The following SMG1 variants were observed in gnomAD, a reference collection of about 807,000 sequenced individuals.
The protein encoded by SMG1 is SMG1 nonsense mediated mRNA decay associated PI3K related kinase.
SMG1 carries 22 observed loss-of-function variants against 419.9 expected under a neutral mutation model. That is an observed-to-expected ratio of 0.05 (90% CI 0.04 to 0.07). SMG1 has a LOEUF of 0.07. Among genes scored for constraint, SMG1 ranks in the 10% least tolerant of loss-of-function variants. The pLI is 1.00. For missense variants in SMG1, 3,185 were observed against 4,342.0 expected, an observed-to-expected ratio of 0.73 and a Z score of 7.49; for synonymous variants, 1,538 against 1,553.5, an observed-to-expected ratio of 0.99 and a Z score of 0.23.
At chr16:18,864,897 C>T (rs1367943131) in intron 23 of SMG1, among the ~76,000 whole-genome samples, 1 of 152,094 alleles carries the variant, frequency 6.6e-6, no homozygotes, top group Non-Finnish European at 1.5e-5. Context: ...TGATGTCTTC[C>T]TCACAACTAT....
intron 6 of SMG1, among the ~76,000 whole-genome samples, chr16:18,888,989 AT>A (rs918479395): frequency 1.3e-5 from 2 of 150,676 alleles, no homozygotes; most frequent in Non-Finnish European, 3.0e-5. Flanking sequence ...CGCCTGGCTA[AT>A]TTTTTTTGTA....
At chr16:18,867,638 T>C (rs2035588451) in intron 22 of SMG1, among the ~76,000 whole-genome samples, 1 of 151,612 alleles carries the variant, frequency 6.6e-6, no homozygotes, top group African/African-American at 2.4e-5. Flanking sequence ...AATATAGTTT[T>C]AACGTGTTCT....
At chr16:18,818,946 A>G (rs1017051079) in intron 56 of SMG1, among the ~76,000 whole-genome samples, 1 of 151,860 alleles carries the variant, frequency 6.6e-6, no homozygotes, top group Non-Finnish European at 1.5e-5. Flanking sequence ...ACTCCTGAGC[A>G]GTTGGGACTA....
chr16:18,897,400 A>G (rs2037174626), intron 1 of SMG1, among the ~76,000 whole-genome samples: 1 of 152,210 alleles, frequency 6.6e-6, no homozygotes, highest in Non-Finnish European at 1.5e-5. Flanking sequence ...TAAAAATAAA[A>G]AACACTGGCA....
chr16:18,887,514 TCC>T (rs1305087665), intron 6 of SMG1, among the ~76,000 whole-genome samples: 1 of 100,718 alleles, frequency 9.9e-6, no homozygotes, highest in Non-Finnish European at 2.1e-5. Context: ...TATTTTTTTT[TCC>T]TTTTTTTTTT....
intron 18 of SMG1, among the ~76,000 whole-genome samples, chr16:18,870,242 T>A (rs2035743356): frequency 6.6e-6 from 1 of 152,166 alleles, no homozygotes; most frequent in South Asian, 2.1e-4. Context: ...AAAAACCCAA[T>A]CATTATGCTT....
At chr16:18,911,105 G>C (rs2037775381) in intron 1 of SMG1, among the ~76,000 whole-genome samples, 1 of 152,136 alleles carries the variant, frequency 6.6e-6, no homozygotes, top group South Asian at 2.1e-4. Context: ...AATTCTTAAG[G>C]TGTGAATACA....
chr16:18,864,854 A>G (rs1053953626), intron 23 of SMG1, among the ~76,000 whole-genome samples: 6 of 152,204 alleles, frequency 3.9e-5, no homozygotes, highest in African/African-American at 1.2e-4. Flanking sequence ...AAACTGAGCT[A>G]AAACAGTGAG....
chr16:18,857,321 T>G (rs571740595), intron 29 of SMG1: 12 of 152,356 alleles, frequency 7.9e-5, no homozygotes, highest in African/African-American at 2.9e-4. Context: ...CTTTGACATA[T>G]AAATATTTAT....
intron 39 of SMG1, among the ~76,000 whole-genome samples, chr16:18,842,780 A>G (rs1381378692): frequency 6.6e-6 from 1 of 152,172 alleles, no homozygotes; most frequent in Non-Finnish European, 1.5e-5. Context: ...CAGAGAGCCG[A>G]GATTACGCCA....
intron 1 of SMG1, among the ~76,000 whole-genome samples, chr16:18,903,912 C>T (rs1349787682): frequency 1.3e-5 from 2 of 148,832 alleles, no homozygotes; most frequent in African/African-American, 5.0e-5. Flanking sequence ...CTATTCCCCC[C>T]ATTTTCCAAG....
chr16:18,867,592 G>T (rs2035586312), intron 22 of SMG1, among the ~76,000 whole-genome samples: 1 of 149,716 alleles, frequency 6.7e-6, no homozygotes, highest in Admixed American at 6.7e-5. Flanking sequence ...CAAATTTTCA[G>T]AACTACCTTT....
intron 22 of SMG1, among the ~76,000 whole-genome samples, chr16:18,867,571 T>C (rs572914668): frequency 3.4e-5 from 5 of 146,104 alleles, no homozygotes; most frequent in Non-Finnish European, 7.5e-5. Flanking sequence ...ATAAATAATT[T>C]ATCCCATAAA....
At chr16:18,912,222 T>A (rs2037822276) in intron 1 of SMG1, among the ~76,000 whole-genome samples, 1 of 148,734 alleles carries the variant, frequency 6.7e-6, no homozygotes, top group Non-Finnish European at 1.5e-5. Context: ...AGGGAACAAA[T>A]TTCACATAGG....
At chr16:18,885,958 A>C (rs974931553) in intron 6 of SMG1, among the ~76,000 whole-genome samples, 1 of 152,080 alleles carries the variant, frequency 6.6e-6, no homozygotes, top group African/African-American at 2.4e-5. Context: ...AAAAAATAAT[A>C]ATTAATAAAT....
intron 60 of SMG1, among the ~76,000 whole-genome samples, chr16:18,813,166 G>A (rs1203678050): frequency 2.0e-5 from 3 of 151,864 alleles, no homozygotes; most frequent in African/African-American, 7.3e-5. Context: ...ATGATTTATA[G>A]TCCTTTGGGT....
chr16:18,882,064 CA>C (rs2036423697), intron 10 of SMG1, 100 bp downstream of exon 10: 1 of 789,858 alleles, frequency 1.3e-6, no homozygotes, highest in Non-Finnish European at 1.9e-6. Flanking sequence ...ACATGCTAAA[CA>C]AATGAAGGAT....
rs771416121 is a variant in SMG1 at position 18,829,750 on chromosome 16, T to G, written c.9139A>C (p.Ser3047Arg). Reference sequence around the variant, plus strand: ...ACAGTATTCTGATCTTCAAGTGAACTTGATCCTACAAAAAGGAAAAATTTC... The same window carrying G: ...ACAGTATTCTGATCTTCAAGTGAACGTGATCCTACAAAAAGGAAAAATTTC... ...GTFSKTLSGS[S>R]SLEDQNTVNG... Residue 3047 changes from serine to arginine, a missense_variant, in exon 54 of 63, where the codon AGT becomes CGT. Around this residue, in one of 27 missense-constraint regions of SMG1, gnomAD observed 737 missense variants for 846.6 expected, o/e 0.87. Transcript: ENST00000446231. 5 of 1,588,202 alleles carry G rather than the reference T, an allele frequency of 3.1e-6. No homozygotes were observed. In the South Asian group the frequency reaches 5.7e-5, roughly 18 times the overall value.
At chr16:18,843,378 A>G (rs963142654) in intron 39 of SMG1, among the ~76,000 whole-genome samples, 2 of 152,228 alleles carry the variant, frequency 1.3e-5, no homozygotes, top group African/African-American at 2.4e-5. Context: ...GAAAAGCCCT[A>G]TAATACTTTC....
Sources: allele counts gnomAD v4.1 joint callset (sites outside exome capture counted in the v4.1 genomes callset), GRCh38; gene constraint gnomAD v4.1.1; regional missense constraint gnomAD v4.1.1; transcripts MANE v1.5; gene names NCBI Gene and HGNC (gene_info 2026-07-23, HGNC 2026-07-21).